Variants in ACBD6 observed in about 807,000 individuals in gnomAD.
The protein encoded by ACBD6 is acyl-CoA-binding domain-containing protein 6.
Under a neutral mutation model 37.2 loss-of-function variants are expected in ACBD6, and 28 were observed. That is an observed-to-expected ratio of 0.75 (90% CI 0.56 to 1.03). The LOEUF (loss-of-function observed/expected upper bound fraction) is 1.03, where lower values mean the gene tolerates loss of function less well. ACBD6 is among the 50% of genes least tolerant of loss of function. ACBD6 has a pLI of 0.00. For missense variants in ACBD6, 340 were observed against 337.4 expected (o/e 1.01, Z -0.06); for synonymous variants, 113 against 126.8 (o/e 0.89, Z 0.73).
chr1:180,463,415 T>C (rs1303294841), intron 3 of ACBD6, among the ~76,000 whole-genome samples: 2 of 152,116 alleles, frequency 1.3e-5, no homozygotes, highest in African/African-American at 2.4e-5. Flanking sequence ...CATCAGAGAA[T>C]ATTACAAATA....
chr1:180,290,400 C>T (rs902254425), intron 7 of ACBD6, among the ~76,000 whole-genome samples: 2 of 152,210 alleles, frequency 1.3e-5, no homozygotes, highest in Non-Finnish European at 2.9e-5. Flanking sequence ...TGGTCTCAAA[C>T]TACTAGGCTC....
intron 6 of ACBD6, among the ~76,000 whole-genome samples, chr1:180,345,826 GTATGTC>G (rs1028443240): frequency 6.6e-6 from 1 of 152,092 alleles, no homozygotes; most frequent in African/African-American, 2.4e-5. Context: ...AATGTAAACA[GTATGTC>G]TATATGTTTT....
intron 6 of ACBD6, among the ~76,000 whole-genome samples, chr1:180,335,848 C>T (rs1374370475): frequency 1.4e-5 from 2 of 144,346 alleles, no homozygotes; most frequent in African/African-American, 5.0e-5. Context: ...CAAAAAAAGG[C>T]AGGGGTTGCA....
At chr1:180,389,567 G>A (rs1033583541) in intron 6 of ACBD6, among the ~76,000 whole-genome samples, 62 of 152,276 alleles carry the variant, frequency 4.1e-4, no homozygotes, top group African/African-American at 1.4e-3. Flanking sequence ...GATCCCTGAG[G>A]AATTGCCACA....
intron 4 of ACBD6, among the ~76,000 whole-genome samples, chr1:180,428,490 T>C (rs1190082103): frequency 6.6e-6 from 1 of 152,210 alleles, no homozygotes; most frequent in Non-Finnish European, 1.5e-5. Context: ...TAAGAATCAC[T>C]TCACTAGCAA....
At chr1:180,420,731 G>A (rs923721815) in intron 4 of ACBD6, among the ~76,000 whole-genome samples, 4 of 152,150 alleles carry the variant, frequency 2.6e-5, no homozygotes, top group Non-Finnish European at 2.9e-5. Flanking sequence ...CTCATTGTCC[G>A]GGGCTTCTTA....
At chr1:180,310,969 T>C (rs771343577) in intron 7 of ACBD6, among the ~76,000 whole-genome samples, 4 of 152,178 alleles carry the variant, frequency 2.6e-5, no homozygotes, top group Non-Finnish European at 5.9e-5. Context: ...CAAAGGTACA[T>C]AAGATGTGCA....
intron 3 of ACBD6, among the ~76,000 whole-genome samples, chr1:180,470,255 A>G (rs1216287205): frequency 6.6e-6 from 1 of 152,130 alleles, no homozygotes; most frequent in Non-Finnish European, 1.5e-5. Flanking sequence ...CCAACACCTA[A>G]ACATAAAGAT....
intron 3 of ACBD6, among the ~76,000 whole-genome samples, chr1:180,439,607 T>C (rs1649200032): frequency 6.6e-6 from 1 of 151,408 alleles, no homozygotes. Context: ...AAAAAAATAC[T>C]GGGGAGGAGT....
intron 7 of ACBD6, among the ~76,000 whole-genome samples, chr1:180,295,568 T>C (rs952639644): frequency 1.5e-4 from 23 of 152,156 alleles, no homozygotes; most frequent in Non-Finnish European, 1.2e-4. Context: ...AGCAAGTCTA[T>C]CGGTGCCATT....
chr1:180,374,961 A>T (rs551120095), intron 6 of ACBD6, among the ~76,000 whole-genome samples: 1 of 152,308 alleles, frequency 6.6e-6, no homozygotes, highest in African/African-American at 2.4e-5. Context: ...TGCAAATTAG[A>T]CTAGATCAAA....
chr1:180,385,517 C>T (rs1653813895), intron 6 of ACBD6, among the ~76,000 whole-genome samples: 1 of 151,556 alleles, frequency 6.6e-6, no homozygotes, highest in African/African-American at 2.4e-5. Flanking sequence ...GAAGCCCTAA[C>T]ACTCAATATG....
intron 6 of ACBD6, among the ~76,000 whole-genome samples, chr1:180,387,504 A>C (rs1653890917): frequency 6.6e-6 from 1 of 152,144 alleles, no homozygotes; most frequent in Non-Finnish European, 1.5e-5. Context: ...TAGGCTTCCC[A>C]TTTGGCCTCT....
chr1:180,315,695 A>G (rs564283692), intron 6 of ACBD6, among the ~76,000 whole-genome samples: 1 of 152,168 alleles, frequency 6.6e-6, no homozygotes, highest in Non-Finnish European at 1.5e-5. Flanking sequence ...TAGAAAGAAA[A>G]GCAAGAAGCT....
chr1:180,344,115 G>A (rs1344806277), intron 6 of ACBD6, among the ~76,000 whole-genome samples: 1 of 152,132 alleles, frequency 6.6e-6, no homozygotes, highest in Admixed American at 6.5e-5. Flanking sequence ...TGAAATATGA[G>A]ATGCAACAGA....
exon 14 of ACBD6, chr1:180,271,279 C>A: frequency 7.5e-7 from 1 of 1,324,818 alleles, no homozygotes; most frequent in Non-Finnish European, 1.1e-6. Flanking sequence ...CTGCCTACAG[C>A]AGGCAGGCTT....
intron 3 of ACBD6, among the ~76,000 whole-genome samples, chr1:180,454,679 G>GA (rs910283117): frequency 1.3e-5 from 2 of 151,116 alleles, no homozygotes; most frequent in African/African-American, 4.9e-5. Context: ...AAATTTACAA[G>GA]AAAAAAAACC....
chr1:180,367,815 A>C (rs1260343535), intron 6 of ACBD6, among the ~76,000 whole-genome samples: 1 of 151,924 alleles, frequency 6.6e-6, no homozygotes, highest in Non-Finnish European at 1.5e-5. Context: ...GGTTGATTCT[A>C]TGTCTTTGCT....
chr1:180,476,734 G>A (rs1361706211), intron 3 of ACBD6, among the ~76,000 whole-genome samples: 1 of 152,104 alleles, frequency 6.6e-6, no homozygotes, highest in Non-Finnish European at 1.5e-5. Context: ...GCTGAGGCAG[G>A]AGAATTGCTT....
Sources: gnomAD v4.1 joint callset for allele counts (sites outside exome capture counted in the v4.1 genomes callset) on GRCh38, gnomAD v4.1.1 for gene constraint, MANE v1.5 for transcripts, NCBI Gene and HGNC (gene_info 2026-07-23, HGNC 2026-07-21) for gene names.